ANKRD18B: variants seen among roughly 807,000 people sequenced by gnomAD.
ANKRD18B encodes the protein ankyrin repeat domain 18B, also known as ankyrin repeat domain-containing protein 18B.
Under a neutral mutation model 111.8 loss-of-function variants are expected in ANKRD18B, and 75 were observed. The observed-to-expected ratio is 0.67, with a 90% CI of 0.56 to 0.81. ANKRD18B has a LOEUF of 0.81. Ranked by LOEUF, ANKRD18B falls within the 40% of genes least tolerant of loss-of-function variation. ANKRD18B has a pLI of 0.00. For synonymous variants in ANKRD18B, 356 were observed against 417.3 expected (o/e 0.85, Z 1.79); for missense variants, 1,038 against 1,225.5 (o/e 0.85, Z 2.28).
chr9:33,536,841 A>C, intron 5 of ANKRD18B, 37 bp from the exon 6 acceptor site: 1 of 1,260,348 alleles, frequency 7.9e-7, no homozygotes, highest in Non-Finnish European at 1.1e-6. Context: ...TCATATCACT[A>C]TTAAAATACT....
In ANKRD18B at chr9:33,572,657, T is replaced by C. The variant is rs1188549921; in HGVS notation, c.*223T>C. On this transcript the variant is annotated 3_prime_UTR_variant, in exon 19 of 19. Coordinates refer to ENST00000684830, the MANE Select transcript of ANKRD18B (RefSeq NM_001393611.1). ...TTGACCTACTCAAATTGCCTGAATG[T>C]CAGCTGTTTAAACAGCCAAACAACC... 5 of 1,145,660 alleles carry C rather than the reference T, an allele frequency of 4.4e-6. No homozygotes were observed. The highest frequency in any genetic ancestry group is 5.4e-6 in the Non-Finnish European group (5 of 931,806). 71.0% of individuals were successfully genotyped at this position (1,145,660 alleles called of 1,614,324 possible). A position where few individuals can be genotyped will look rare whatever the true frequency, so the allele number is the denominator to read the frequency against.
At chr9:33,533,052 C>T (rs1828139917) in intron 3 of ANKRD18B, among the ~76,000 whole-genome samples, 1 of 151,998 alleles carries the variant, frequency 6.6e-6, no homozygotes, top group African/African-American at 2.4e-5. Flanking sequence ...ATTTTAAAAA[C>T]TTAAAGCATT....
intron 15 of ANKRD18B, among the ~76,000 whole-genome samples, chr9:33,566,726 A>G (rs1828691271): frequency 6.6e-6 from 1 of 152,134 alleles, no homozygotes; most frequent in South Asian, 2.1e-4. Flanking sequence ...CTATACAGTA[A>G]AAGGGGGAAT....
intron 5 of ANKRD18B, among the ~76,000 whole-genome samples, chr9:33,535,810 A>G (rs545749151): frequency 6.9e-6 from 1 of 144,768 alleles, no homozygotes; most frequent in African/African-American, 2.5e-5. Context: ...TAGATTATAT[A>G]ATCTATATAT....
intron 17 of ANKRD18B, among the ~76,000 whole-genome samples, chr9:33,570,858 G>A (rs768794719): frequency 3.9e-5 from 6 of 152,068 alleles, no homozygotes; most frequent in East Asian, 1.9e-4. Context: ...GGATGGTCGC[G>A]ATCTCTTGAC....
chr9:33,530,102 T>C (rs1450486043), intron 3 of ANKRD18B, among the ~76,000 whole-genome samples: 1 of 152,170 alleles, frequency 6.6e-6, no homozygotes, highest in African/African-American at 2.4e-5. Context: ...TCTCATACTC[T>C]TCTCTCTGGC....
At chr9:33,532,490 C>T (rs766915998) in intron 3 of ANKRD18B, among the ~76,000 whole-genome samples, 1 of 152,150 alleles carries the variant, frequency 6.6e-6, no homozygotes, top group Non-Finnish European at 1.5e-5. Flanking sequence ...CTGAGCTTTG[C>T]TTTTTAATAT....
Position 33,567,267 on chromosome 9 carries a change from T to A in ANKRD18B, c.2907T>A (p.Phe969Leu). 1.3e-6 allele frequency: 2 copies of A among 1,548,006 alleles called. No homozygotes were observed. Among genetic ancestry groups the A allele is most frequent in the Non-Finnish European group, 1.7e-6 (2 of 1,145,830 alleles). The change falls in exon 16 of 19, where the codon TTT (phenylalanine) becomes TTA (leucine). Residue 969 changes from phenylalanine to leucine, a missense_variant. By Grantham distance (22) the Phe-to-Leu change is conservative. Coordinates refer to ENST00000684830, the MANE Select transcript of ANKRD18B (RefSeq NM_001393611.1). Reference protein sequence around the residue: ...TTELEEYKEAFAVALKANSSM... With the variant: ...TTELEEYKEALAVALKANSSM... ...AATTAGAAGAGTATAAGGAAGCCTT[T>A]GCAGTAGCATTGAAAGCTAACAGTT...
Position 33,524,682 on chromosome 9 carries a change from G to A in ANKRD18B, c.193G>A (p.Asp65Asn), listed in dbSNP as rs1437046560. The change falls in exon 1 of 19, where the codon GAC becomes AAC. Residue 65 changes from aspartate (D) to asparagine (N), a missense_variant. Around this residue, in one of 4 missense-constraint regions of ANKRD18B, gnomAD observed 216 missense variants for 205.1 expected, o/e 1.05. Transcript: ENST00000684830. ...TRRFRDLDVR[D>N]RKDRTVLHLA... is the part of the protein sequence containing the mutation. ...CAGGTTCCGGGACTTGGACGTCCGC[G>A]ACAGAAAAGACAGGTAGCGGGGGCT... 39 of 1,549,728 alleles carry A rather than the reference G, an allele frequency of 2.5e-5. No homozygotes were observed. The highest frequency in any genetic ancestry group is 3.1e-5 in the Non-Finnish European group (35 of 1,146,410).
intron 15 of ANKRD18B, 76 bp downstream of exon 15, chr9:33,566,576 G>T: frequency 6.6e-7 from 1 of 1,506,034 alleles, no homozygotes; most frequent in Non-Finnish European, 8.9e-7. Flanking sequence ...TTTTGGATGT[G>T]TATATATTGT....
intron 17 of ANKRD18B, among the ~76,000 whole-genome samples, chr9:33,569,984 AG>A (rs765011728): frequency 1.1e-4 from 17 of 152,370 alleles, no homozygotes; most frequent in Non-Finnish European, 2.2e-4. Context: ...TGTAACAAAA[AG>A]ATACATGCAC....
intron 12 of ANKRD18B, among the ~76,000 whole-genome samples, chr9:33,550,799 T>G (rs1382734761): frequency 6.6e-6 from 1 of 152,216 alleles, no homozygotes; most frequent in African/African-American, 2.4e-5. Flanking sequence ...TTATAATATC[T>G]ACTCTTGGGA....
chr9:33,548,951 T>G (rs1276923394), intron 11 of ANKRD18B, 96 bp downstream of exon 11: 4 of 1,190,386 alleles, frequency 3.4e-6, no homozygotes, highest in Non-Finnish European at 4.5e-6. Context: ...AATAAATAGA[T>G]GAAAATGTGT....
At position 33,530,167 on chromosome 9, in the gene ANKRD18B, G is replaced by A. The variant is rs184187299; in HGVS notation, c.495+994G>A. On this transcript the variant is annotated intron_variant, in intron 3 of 18. Transcript: ENST00000684830. ...CATGTGGGTGAGAGATGAAACTGAA[G>A]TGATTGTCTGCTGCAGTATTTCTCA... is the stretch of plus-strand genomic sequence containing the variant. Among the ~76,000 whole-genome samples the A allele has an allele frequency of 2.4e-3, 373 of 152,322 alleles. 2 individuals are homozygous for A. Among genetic ancestry groups the A allele is most frequent in the Non-Finnish European group, 3.3e-3 (226 of 68,034 alleles).
Position 33,550,042 on chromosome 9 carries a change from C to G in ANKRD18B, c.2068-388C>G, listed in dbSNP as rs1394392405. Among the ~76,000 whole-genome samples the G allele has an allele frequency of 4.6e-5, 7 of 152,010 alleles. No homozygotes were observed. In the East Asian group the frequency reaches 1.4e-3, roughly 29 times the overall value. ...TTTGTACGGGACAGAGTTGTAGGAGCTGAGGTCAGGGAGGGAGGTAGAGGC... is the reference window on the plus strand; with the variant it reads ...TTTGTACGGGACAGAGTTGTAGGAGGTGAGGTCAGGGAGGGAGGTAGAGGC... On this transcript the variant is annotated intron_variant, in intron 11 of 18. Transcript: ENST00000684830.
chr9:33,533,999 T>C (rs1828156716), intron 4 of ANKRD18B, among the ~76,000 whole-genome samples: 1 of 152,040 alleles, frequency 6.6e-6, no homozygotes, highest in African/African-American at 2.4e-5. Flanking sequence ...TAGCTGACTT[T>C]GAATTACAAT....
intron 12 of ANKRD18B, among the ~76,000 whole-genome samples, chr9:33,551,352 TTCACC>T (rs1460358554): frequency 6.6e-6 from 1 of 152,230 alleles, no homozygotes; most frequent in Non-Finnish European, 1.5e-5. Flanking sequence ...CTAGAACATT[TTCACC>T]ACTCTGAAAA....
At chr9:33,553,036 G>T (rs938068714) in intron 12 of ANKRD18B, among the ~76,000 whole-genome samples, 3 of 151,390 alleles carry the variant, frequency 2.0e-5, no homozygotes, top group African/African-American at 7.3e-5. Flanking sequence ...AGCCCTTCTG[G>T]CTTCTGTGTA....
intron 10 of ANKRD18B, among the ~76,000 whole-genome samples, chr9:33,547,177 G>GT (rs1828369080): frequency 6.6e-6 from 1 of 152,162 alleles, no homozygotes; most frequent in African/African-American, 2.4e-5. Flanking sequence ...TTTTATGCCT[G>GT]TGTCTTTTTG....
Sources: gnomAD v4.1 joint callset for allele counts (sites outside exome capture counted in the v4.1 genomes callset) on GRCh38, gnomAD v4.1.1 for gene constraint, gnomAD v4.1.1 regional missense constraint, MANE v1.5 for transcripts, NCBI Gene and HGNC (gene_info 2026-07-23, HGNC 2026-07-21) for gene names.